The following ACTR8 variants were observed in gnomAD, a reference collection of about 807,000 sequenced individuals.
The protein encoded by ACTR8 is actin-related protein 8.
A neutral mutation model predicts 84.3 loss-of-function variants in ACTR8; 70 were observed. The observed-to-expected ratio is 0.83, with a 90% confidence interval of 0.68 to 1.01. ACTR8 has a LOEUF of 1.01. Among genes scored for constraint, ACTR8 ranks in the 50% least tolerant of loss-of-function variants. The pLI is 0.00. For synonymous variants in ACTR8, 268 were observed against 275.2 expected (o/e 0.97, Z 0.26); for missense variants, 672 against 775.4 (o/e 0.87, Z 1.58).
chr3:53,872,586 C>A (rs1288760842), intron 9 of ACTR8, 62 bp from the exon 10 acceptor site: 1 of 1,490,746 alleles, frequency 6.7e-7, no homozygotes, highest in African/African-American at 1.4e-5. Context: ...AACTGATCCA[C>A]TAAATTCTGT....
intron 7 of ACTR8, 26 bp from the exon 8 acceptor site, chr3:53,874,390 G>A: frequency 6.2e-7 from 1 of 1,603,420 alleles, no homozygotes; most frequent in African/African-American, 1.3e-5. Context: ...AAGGGTAGAT[G>A]GTTAATCTGT....
chr3:53,872,030 C>T (rs560056028), intron 10 of ACTR8, among the ~76,000 whole-genome samples: 67 of 152,284 alleles, frequency 4.4e-4, no homozygotes, highest in African/African-American at 1.5e-3. Context: ...AGGAATTCAG[C>T]TCTTTGGCTA....
chr3:53,882,077 T>C lies in ACTR8; in HGVS notation c.25A>G (p.Thr9Ala). The change falls in exon 1 of 13, where the codon ACG (threonine) becomes GCG (alanine). Residue 9 changes from threonine to alanine, a missense_variant. Coordinates refer to ENST00000335754, the MANE Select transcript of ACTR8 (RefSeq NM_022899.5). ...CCGCCCTTCTCCTTTCCGTTCTCCG[T>C]ATCACCCTTCTCAGCCTGGGTCATT... is the stretch of plus-strand genomic sequence containing the variant. MTQAEKGDTENGKEKGGEK... is the reference protein window; with the variant it reads MTQAEKGDAENGKEKGGEK... The C allele has an allele frequency of 5.8e-6, 9 of 1,551,620 alleles. No homozygotes were observed. Among genetic ancestry groups the C allele is most frequent in the Non-Finnish European group, 7.8e-6 (9 of 1,146,854 alleles).
At position 53,867,552 on chromosome 3, in the gene ACTR8, C is replaced by A. The variant is rs1274946595; in HGVS notation, c.*1167G>T. The A allele has an allele frequency of 6.6e-6, 1 of 152,214 alleles. No homozygotes were observed. Among genetic ancestry groups the A allele is most frequent in the East Asian group, 1.9e-4 (1 of 5,186 alleles). The allele number at this position is 152,214 out of a possible 1,614,324, so 9.4% of individuals were successfully genotyped here. Reference sequence around the variant, plus strand: ...TTCTATATTCCCTTCTGATTTCCATCACTTATCTGTTCCCTGCTTTTGTCC... The same window carrying A: ...TTCTATATTCCCTTCTGATTTCCATAACTTATCTGTTCCCTGCTTTTGTCC... On this transcript the variant is annotated 3_prime_UTR_variant, in exon 13 of 13. Transcript: ENST00000335754.
At chr3:53,879,307 C>A (rs551833902) in intron 2 of ACTR8, among the ~76,000 whole-genome samples, 1 of 152,222 alleles carries the variant, frequency 6.6e-6, no homozygotes, top group East Asian at 1.9e-4. Context: ...AAAAATGGAA[C>A]CCTAAGGCCT....
At position 53,868,825 on chromosome 3, in the gene ACTR8, G is replaced by A. The variant is rs1306982981; in HGVS notation, c.1769C>T (p.Ala590Val). 6.2e-7 allele frequency: 1 copy of A among 1,614,096 alleles called. No homozygotes were observed. Among genetic ancestry groups the A allele is most frequent in the Admixed American group, 1.7e-5 (1 of 60,016 alleles). The change falls in exon 13 of 13, where the codon GCA (alanine) becomes GTA (valine). Residue 590 changes from alanine to valine, a missense_variant. Ala to Val is a moderately conservative substitution (Grantham distance 64, BLOSUM62 0). Transcript: ENST00000335754. ...TGTTGTATCCAAACAAGCCAACACTGCCCCTCCTTTCCATGCAATCAGCCG... is the reference window on the plus strand; with the variant it reads ...TGTTGTATCCAAACAAGCCAACACTACCCCTCCTTTCCATGCAATCAGCCG... ...DPRLIAWKGGAVLACLDTTQE... is the reference protein window; with the variant it reads ...DPRLIAWKGGVVLACLDTTQE...
At chr3:53,865,570 GCAA>G (rs1699757630), downstream of ACTR8, 1 of 417,158 alleles carries the variant, frequency 2.4e-6, no homozygotes, top group Non-Finnish European at 4.3e-6. Context: ...TTTTGATAAT[GCAA>G]CAATAAAGCA....
chr3:53,865,080 TA>T, downstream of ACTR8: 1 of 1,614,166 alleles, frequency 6.2e-7, no homozygotes, highest in Non-Finnish European at 8.5e-7. Context: ...CCCTTGCCTT[TA>T]ACCTTTTCTG....
At chr3:53,877,524 C>T in intron 4 of ACTR8, 123 bp downstream of exon 4, 1 of 1,294,090 alleles carries the variant, frequency 7.7e-7, no homozygotes. Flanking sequence ...GTGTGACTAT[C>T]TGGTACTCAA....
At chr3:53,871,997 T>C (rs546272985) in intron 10 of ACTR8, among the ~76,000 whole-genome samples, 1 of 152,352 alleles carries the variant, frequency 6.6e-6, no homozygotes, top group South Asian at 2.1e-4. Context: ...AGACATCATA[T>C]TATGGGGATC....
intron 4 of ACTR8, 126 bp downstream of exon 4, chr3:53,877,521 T>C: frequency 7.8e-7 from 1 of 1,283,446 alleles, no homozygotes; most frequent in South Asian, 1.5e-5. Flanking sequence ...TCGGTGTGAC[T>C]ATCTGGTACT....
Position 53,882,002 on chromosome 3 carries a change from G to C in ACTR8, c.100C>G (p.Leu34Val). The C allele has an allele frequency of 1.3e-6, 2 of 1,552,844 alleles. No individual in the cohort carries two copies. The highest frequency in any genetic ancestry group is 1.7e-6 in the Non-Finnish European group (2 of 1,147,422). ...RGVKRPIVPALVPESLQEQIQ... is the reference protein window; with the variant it reads ...RGVKRPIVPAVVPESLQEQIQ... Reference sequence around the variant, plus strand: ...ACCTCTTGCAGCGACTCCGGCACCAGCGCGGGCACGATGGGCCGCTTCACG... The same window carrying C: ...ACCTCTTGCAGCGACTCCGGCACCACCGCGGGCACGATGGGCCGCTTCACG... Residue 34 changes from leucine to valine, a missense_variant, in exon 1 of 13, where the codon CTG (leucine) becomes GTG (valine). Physicochemically the swap from Leu to Val is conservative, Grantham distance 32. Coordinates refer to ENST00000335754, the MANE Select transcript of ACTR8 (RefSeq NM_022899.5).
At position 53,874,328 on chromosome 3, in the gene ACTR8, T is replaced by C. The variant is rs1420022474; in HGVS notation, c.948A>G (p.Arg316=). 4 of 1,614,048 alleles carry C rather than the reference T, an allele frequency of 2.5e-6. 1 individual carries two copies. Among genetic ancestry groups the C allele is most frequent in the South Asian group, 2.2e-5 (2 of 91,074 alleles). The part of the protein sequence containing the change: ...CLAYGGSDVS[R]CFYWLMQRAG... ...CTCGCTGCATTAGCCAGTAAAAACA[T>C]CTTGACACATCAGATCCTCCGTATG... The change falls in exon 8 of 13, where the codon AGA becomes AGG. Residue 316 remains arginine, a synonymous_variant. Coordinates refer to ENST00000335754, the MANE Select transcript of ACTR8 (RefSeq NM_022899.5).
Position 53,870,305 on chromosome 3 carries a change from A to C in ACTR8, c.1568-160T>G. The C allele has an allele frequency of 3.8e-6, 3 of 779,720 alleles. No individual in the cohort carries two copies. The highest frequency in any genetic ancestry group is 6.1e-6 in the Non-Finnish European group (3 of 488,324). 48.3% of individuals were successfully genotyped at this position (779,720 alleles called of 1,614,324 possible). Reference sequence around the variant, plus strand: ...AGCCAGGGGAACCCTACGAAACACAAATGTAGGCATGTTGCCACGCCACCG... The same window carrying C: ...AGCCAGGGGAACCCTACGAAACACACATGTAGGCATGTTGCCACGCCACCG... On this transcript the variant is annotated intron_variant, in intron 11 of 12. Coordinates refer to ENST00000335754, the MANE Select transcript of ACTR8 (RefSeq NM_022899.5). This position sits in a 1 kb window ranked among gnomAD's most constrained non-coding sequence, Gnocchi z 4.1.
intron 1 of ACTR8, among the ~76,000 whole-genome samples, chr3:53,881,405 G>A (rs1041545455): frequency 6.6e-6 from 1 of 152,060 alleles, no homozygotes; most frequent in Non-Finnish European, 1.5e-5. Flanking sequence ...AATTTTTTCT[G>A]GTTAGTTTAG....
intron 6 of ACTR8, among the ~76,000 whole-genome samples, chr3:53,876,388 G>C (rs1437136569): frequency 6.6e-6 from 1 of 151,926 alleles, no homozygotes; most frequent in Non-Finnish European, 1.5e-5. Context: ...GCATGGTGGC[G>C]GGTGCCTGTA....
downstream of ACTR8, chr3:53,865,066 T>C (rs1285508920): frequency 3.7e-6 from 6 of 1,614,164 alleles, no homozygotes; most frequent in Non-Finnish European, 5.1e-6. Flanking sequence ...TCAAGACCTC[T>C]TCCCCCTTGC....
At chr3:53,881,793 C>T in intron 1 of ACTR8, 186 bp downstream of exon 1, 2 of 950,410 alleles carry the variant, frequency 2.1e-6, no homozygotes, top group African/African-American at 1.7e-5. Context: ...CCTGGCGCTC[C>T]GCACCTCCCA....
At position 53,881,838 on chromosome 3, in the gene ACTR8, A is replaced by G; in HGVS notation, c.123+141T>C. On this transcript the variant is annotated intron_variant, in intron 1 of 12. Coordinates refer to ENST00000335754, the MANE Select transcript of ACTR8 (RefSeq NM_022899.5). ...GTCCCGGCGCGCCACCACCCGGAAA[A>G]GAACGACCGCTTCCGCACTCCCCCC... 8 of 1,373,896 alleles carry G rather than the reference A, an allele frequency of 5.8e-6. 2 individuals carry two copies. The South Asian group carries it at 1.0e-4, about 18-fold the overall frequency. 85.1% of individuals were successfully genotyped at this position (1,373,896 alleles called of 1,614,324 possible). A position where few individuals can be genotyped will look rare whatever the true frequency, so the allele number is the denominator to read the frequency against.
Sources: allele counts gnomAD v4.1 joint callset (sites outside exome capture counted in the v4.1 genomes callset), GRCh38; gene constraint gnomAD v4.1.1; non-coding constraint Gnocchi (gnomAD v3.1); transcripts MANE v1.5; gene names NCBI Gene and HGNC (gene_info 2026-07-23, HGNC 2026-07-21).